STPG2: variants seen among roughly 807,000 people sequenced by gnomAD.
The protein encoded by STPG2 is sperm-tail PG-rich repeat-containing protein 2.
A neutral mutation model predicts 54.2 loss-of-function variants in STPG2; 56 were observed. That is an observed-to-expected ratio of 1.03 (90% CI 0.83 to 1.29). The LOEUF (loss-of-function observed/expected upper bound fraction) is 1.29. Ranked by LOEUF, STPG2 falls within the 50% of genes most tolerant of loss-of-function variation. The pLI is 0.00. For missense variants in STPG2, 596 were observed against 544.9 expected (o/e 1.09, Z -0.93); for synonymous variants, 200 against 181.8 (o/e 1.10, Z -0.81).
rs182294694 is a variant in STPG2, at chr4:98,004,753, T to G, written c.613-23435A>C. Among the ~76,000 whole-genome samples the G allele has an allele frequency of 3.9e-4, 60 of 152,296 alleles. 1 individual carries two copies. The East Asian group carries it at 0.011, about 28-fold the overall frequency. On this transcript the variant is annotated intron_variant, in intron 5 of 10. Transcript: ENST00000295268. Reference sequence around the variant, plus strand: ...ACTGATGATTAGTGATGTTAAGCATTTTTTCATATAACTGTTGGCCATTTG... The same window carrying G: ...ACTGATGATTAGTGATGTTAAGCATGTTTTCATATAACTGTTGGCCATTTG...
chr4:97,979,455 T>C (rs1734598659), intron 6 of STPG2, among the ~76,000 whole-genome samples: 1 of 152,158 alleles, frequency 6.6e-6, no homozygotes. Context: ...TCTGATCTGA[T>C]TATCCTATAT....
At chr4:97,916,180 T>A (rs1041136165) in intron 8 of STPG2, among the ~76,000 whole-genome samples, 1 of 152,164 alleles carries the variant, frequency 6.6e-6, no homozygotes, top group South Asian at 2.1e-4. Context: ...TATATTATCA[T>A]ATTAATTAGG....
Position 97,790,131 on chromosome 4 carries a change from T to G in STPG2, c.1204+50642A>C, listed in dbSNP as rs572079662. On this transcript the variant is annotated intron_variant, in intron 9 of 10. Transcript: ENST00000295268. ...GTAACTCCCACTAGTTGTAAACCCA[T>G]GTAGGCGGGGATCTTTTCTGCTTTT... Among the ~76,000 whole-genome samples, 135 of 152,054 alleles carry G rather than the reference T, an allele frequency of 8.9e-4. 1 individual carries two copies. The highest frequency in any genetic ancestry group is 6.8e-3 in the Middle Eastern group (2 of 294).
chr4:97,854,470 T>C (rs1282178438), intron 8 of STPG2, among the ~76,000 whole-genome samples: 7 of 148,352 alleles, frequency 4.7e-5, no homozygotes, highest in Non-Finnish European at 5.9e-5. Context: ...TAATATAATG[T>C]ATCATATATA....
chr4:97,791,846 C>T (rs1727000950), intron 9 of STPG2, among the ~76,000 whole-genome samples: 1 of 151,328 alleles, frequency 6.6e-6, no homozygotes, highest in Admixed American at 6.6e-5. Context: ...TTGATGAAAC[C>T]ACCATAGCTA....
intron 5 of STPG2, among the ~76,000 whole-genome samples, chr4:98,005,926 G>T (rs773407833): frequency 6.6e-6 from 1 of 152,130 alleles, no homozygotes; most frequent in Non-Finnish European, 1.5e-5. Flanking sequence ...TTTTTTGAAA[G>T]AGTTTAAGAA....
chr4:98,087,222 GA>G (rs1386751434), intron 5 of STPG2, among the ~76,000 whole-genome samples: 2 of 138,650 alleles, frequency 1.4e-5, no homozygotes, highest in Non-Finnish European at 3.2e-5. Context: ...ATGTTTTCAA[GA>G]ATGCATTAAA....
intron 9 of STPG2, among the ~76,000 whole-genome samples, chr4:97,830,617 A>G (rs565550501): frequency 6.6e-6 from 1 of 152,284 alleles, no homozygotes; most frequent in South Asian, 2.1e-4. Context: ...GGTGTGTTGT[A>G]TTCAGGAGAC....
intron 8 of STPG2, among the ~76,000 whole-genome samples, chr4:97,868,012 G>A (rs571580108): frequency 6.6e-6 from 1 of 151,872 alleles, no homozygotes; most frequent in African/African-American, 2.4e-5. Context: ...AATGGGTATT[G>A]TAAAAGCAAC....
chr4:97,870,776 C>A (rs1185434890), intron 8 of STPG2, among the ~76,000 whole-genome samples: 1 of 151,104 alleles, frequency 6.6e-6, no homozygotes, highest in Admixed American at 6.6e-5. Context: ...CCAAAATAAA[C>A]AGAGATGTAG....
At chr4:97,640,420 C>G (rs1451712539) in intron 10 of STPG2, among the ~76,000 whole-genome samples, 1 of 151,678 alleles carries the variant, frequency 6.6e-6, no homozygotes, top group African/African-American at 2.4e-5. Context: ...AAAATTGGTA[C>G]AGAAAAGTGA....
intron 10 of STPG2, among the ~76,000 whole-genome samples, chr4:97,580,533 T>C (rs1732837520): frequency 7.0e-6 from 1 of 142,406 alleles, no homozygotes; most frequent in South Asian, 2.2e-4. Context: ...TCTGTCTCTC[T>C]GTCTCTGTCT....
At chr4:97,601,115 C>T (rs758926074) in intron 10 of STPG2, among the ~76,000 whole-genome samples, 3 of 151,890 alleles carry the variant, frequency 2.0e-5, no homozygotes, top group Non-Finnish European at 1.5e-5. Context: ...TTCATTATTC[C>T]AATTGTTGCA....
chr4:97,481,252 C>T (rs1560626913), intron 4 of STPG2, among the ~76,000 whole-genome samples: 4 of 151,440 alleles, frequency 2.6e-5, no homozygotes, highest in Admixed American at 1.3e-4. Flanking sequence ...CCCTTATCTA[C>T]GTGTATTCAA....
At chr4:97,715,888 A>G (rs1724269323) in intron 9 of STPG2, among the ~76,000 whole-genome samples, 1 of 152,184 alleles carries the variant, frequency 6.6e-6, no homozygotes, top group Non-Finnish European at 1.5e-5. Flanking sequence ...AAAAGTAACT[A>G]TTATCAGAGT....
chr4:98,018,154 G>A (rs1736030899), intron 5 of STPG2, among the ~76,000 whole-genome samples: 1 of 152,004 alleles, frequency 6.6e-6, no homozygotes. Flanking sequence ...ATTTCCTAAT[G>A]CTATCCCTCC....
chr4:97,719,729 A>G (rs1461799464), intron 9 of STPG2, among the ~76,000 whole-genome samples: 1 of 151,900 alleles, frequency 6.6e-6, no homozygotes, highest in East Asian at 1.9e-4. Flanking sequence ...TGAATCAAGA[A>G]AGGAAGAATC....
chr4:97,844,061 T>G (rs2149124417), intron 8 of STPG2, among the ~76,000 whole-genome samples: 1 of 151,972 alleles, frequency 6.6e-6, no homozygotes, highest in Non-Finnish European at 1.5e-5. Flanking sequence ...ATTCAGAATT[T>G]TTCCAGAATC....
At chr4:97,922,040 G>T (rs962848570) in intron 8 of STPG2, among the ~76,000 whole-genome samples, 1 of 152,150 alleles carries the variant, frequency 6.6e-6, no homozygotes, top group African/African-American at 2.4e-5. Flanking sequence ...GAAATGGAGA[G>T]ATTTAGGCCA....
Sources: allele counts gnomAD v4.1 joint callset (sites outside exome capture counted in the v4.1 genomes callset), GRCh38; gene constraint gnomAD v4.1.1; transcripts MANE v1.5; gene names NCBI Gene and HGNC (gene_info 2026-07-23, HGNC 2026-07-21).